ERICH2: variants seen among roughly 807,000 people sequenced by gnomAD.
ERICH2 encodes the protein glutamate-rich protein 2.
A neutral mutation model predicts 17.4 loss-of-function variants in ERICH2; 17 were observed. The ratio of observed to expected loss-of-function variants is 0.98; its 90% CI spans 0.67 to 1.47. The LOEUF (loss-of-function observed/expected upper bound fraction) is 1.47. Among genes scored for constraint, ERICH2 ranks in the 40% most tolerant of loss-of-function variants. ERICH2 has a pLI of 0.00. For synonymous variants in ERICH2, 51 were observed against 61.1 expected, an observed-to-expected ratio of 0.83 and a Z score of 0.77; for missense variants, 186 against 183.2, an observed-to-expected ratio of 1.01 and a Z score of -0.09.
At chr2:170,784,659 A>C in exon 2 of ERICH2, 1 of 1,517,610 alleles carries the variant, frequency 6.6e-7, no homozygotes, top group East Asian at 2.5e-5. Flanking sequence ...AAGTGAGCAA[A>C]GATGCAGTCA....
At chr2:170,783,569 A>T (rs1701079079), upstream of ERICH2, among the ~76,000 whole-genome samples, 1 of 152,176 alleles carries the variant, frequency 6.6e-6, no homozygotes, top group South Asian at 2.1e-4. Context: ...AATAAATAAA[A>T]ATAAAAACAC....
At chr2:170,777,637 C>G in the ERICH2 span, 25 of 1,232,134 alleles carry the variant, frequency 2.0e-5, no homozygotes, top group Non-Finnish European at 2.4e-5. Context: ...ATTTTTTTCT[C>G]TTTCAGAAAA....
At chr2:170,785,542 C>CAT (rs1483320135) in intron 2 of ERICH2, among the ~76,000 whole-genome samples, 2 of 151,968 alleles carry the variant, frequency 1.3e-5, no homozygotes, top group Non-Finnish European at 2.9e-5. Context: ...TGATAACATG[C>CAT]ATATATATAA....
chr2:170,791,707 T>A (rs967740210), intron 2 of ERICH2, among the ~76,000 whole-genome samples: 25 of 146,428 alleles, frequency 1.7e-4, no homozygotes, highest in African/African-American at 6.3e-4. Context: ...AATAAATAAA[T>A]AAAATAAAAT....
At chr2:170,791,224 T>C (rs2105711405) in intron 2 of ERICH2, among the ~76,000 whole-genome samples, 1 of 152,096 alleles carries the variant, frequency 6.6e-6, no homozygotes, top group East Asian at 1.9e-4. Flanking sequence ...CCATACCATG[T>C]TTAACCTAGA....
chr2:170,797,673 CTG>C (rs1701462268), intron 3 of ERICH2, among the ~76,000 whole-genome samples: 1 of 151,740 alleles, frequency 6.6e-6, no homozygotes. Flanking sequence ...TGGCACACAC[CTG>C]TAGCTACTCA....
chr2:170,793,759 T>C (rs921958582), intron 3 of ERICH2, among the ~76,000 whole-genome samples: 2 of 152,226 alleles, frequency 1.3e-5, no homozygotes, highest in Non-Finnish European at 2.9e-5. Flanking sequence ...AGCAATGATA[T>C]GATCTACCTT....
chr2:170,774,564 C>CTTCTTTTTTTT, the ERICH2 span, among the ~76,000 whole-genome samples: 4 of 98,574 alleles, frequency 4.1e-5, no homozygotes, highest in African/African-American at 2.1e-4. Context: ...AGAGCCCCAT[C>CTTCTTTTTTTT]TTTTTTTTTT....
intron 2 of ERICH2, among the ~76,000 whole-genome samples, chr2:170,786,165 T>C (rs1319684463): frequency 1.3e-5 from 2 of 152,268 alleles, no homozygotes; most frequent in Non-Finnish European, 2.9e-5. Context: ...GATATCACTT[T>C]TCCTTTACCC....
At chr2:170,787,085 C>G (rs937791146) in intron 2 of ERICH2, among the ~76,000 whole-genome samples, 2 of 151,882 alleles carry the variant, frequency 1.3e-5, no homozygotes, top group African/African-American at 4.8e-5. Flanking sequence ...TCTTGCTTTG[C>G]CAGGCTGGAG....
intron 2 of ERICH2, among the ~76,000 whole-genome samples, chr2:170,789,240 C>T (rs1701227751): frequency 6.6e-6 from 1 of 151,892 alleles, no homozygotes; most frequent in South Asian, 2.1e-4. Context: ...GTTGGGATTA[C>T]AGGCATGAGC....
upstream of ERICH2, among the ~76,000 whole-genome samples, chr2:170,779,454 T>G (rs1255937064): frequency 1.3e-5 from 2 of 152,210 alleles, no homozygotes; most frequent in East Asian, 3.8e-4. Context: ...AAATGCCACA[T>G]TTAACATTTT....
upstream of ERICH2, chr2:170,782,347 C>T (rs1258891461): frequency 1.0e-6 from 1 of 982,404 alleles, no homozygotes; most frequent in Non-Finnish European, 1.2e-6. Context: ...AACAAATCTA[C>T]AGTCTGACCT....
chr2:170,786,660 C>A (rs1283480636), intron 2 of ERICH2, among the ~76,000 whole-genome samples: 1 of 152,110 alleles, frequency 6.6e-6, no homozygotes, highest in Non-Finnish European at 1.5e-5. Context: ...TCCCAGAGGT[C>A]ACTGATATAC....
upstream of ERICH2, among the ~76,000 whole-genome samples, chr2:170,778,890 G>T (rs1700967637): frequency 6.6e-6 from 1 of 152,110 alleles, no homozygotes; most frequent in Non-Finnish European, 1.5e-5. Flanking sequence ...CACCTCCTGA[G>T]GTAGATAAAC....
chr2:170,778,369 G>A, the ERICH2 span, among the ~76,000 whole-genome samples: 2 of 152,026 alleles, frequency 1.3e-5, no homozygotes, highest in Non-Finnish European at 2.9e-5. Context: ...CAAATTAGTA[G>A]GTACTATTCT....
intron 2 of ERICH2, among the ~76,000 whole-genome samples, chr2:170,789,788 A>C (rs1373427069): frequency 1.3e-5 from 2 of 152,218 alleles, no homozygotes; most frequent in Non-Finnish European, 2.9e-5. Context: ...ATAATGCTTC[A>C]TTAAATAGAC....
chr2:170,791,607 G>A (rs4411661), intron 2 of ERICH2, among the ~76,000 whole-genome samples: 2 of 150,772 alleles, frequency 1.3e-5, no homozygotes, highest in African/African-American at 2.4e-5. Context: ...GGAGAATGGC[G>A]TGAACCCGGG....
chr2:170,777,152 C>G, the ERICH2 span: 1 of 156,104 alleles, frequency 6.4e-6, no homozygotes, highest in Non-Finnish European at 1.4e-5. Flanking sequence ...TGCAGGACTT[C>G]TGTAGACAAG....
Sources: allele counts gnomAD v4.1 joint callset (sites outside exome capture counted in the v4.1 genomes callset), GRCh38; gene constraint gnomAD v4.1.1; transcripts MANE v1.5; gene names NCBI Gene and HGNC (gene_info 2026-07-23, HGNC 2026-07-21).